GRAMD1B: variants seen among roughly 807,000 people sequenced by gnomAD.
GRAMD1B encodes protein Aster-B.
Under a neutral mutation model 99.7 loss-of-function variants are expected in GRAMD1B, and 37 were observed. That is an observed-to-expected ratio of 0.37 (90% CI 0.29 to 0.49). The LOEUF is 0.49. Among genes scored for constraint, GRAMD1B ranks in the 20% least tolerant of loss-of-function variants. The pLI is 0.98. For missense variants in GRAMD1B, 888 were observed against 1,009.2 expected (o/e 0.88, Z 1.63); for synonymous variants, 427 against 387.6 (o/e 1.10, Z -1.19).
intron 2 of GRAMD1B, among the ~76,000 whole-genome samples, chr11:123,520,645 G>A (rs1420271830): frequency 2.0e-5 from 3 of 151,672 alleles, no homozygotes; most frequent in Non-Finnish European, 4.4e-5. Context: ...TGGGCATGGT[G>A]GTGCGTGTCT....
chr11:123,501,346 T>G (rs1323573989), intron 2 of GRAMD1B, among the ~76,000 whole-genome samples: 1 of 151,920 alleles, frequency 6.6e-6, no homozygotes, highest in Non-Finnish European at 1.5e-5. Context: ...AATTTTTTAA[T>G]TTTTACTAGA....
At chr11:123,383,598 A>T (rs1946959172) in intron 1 of GRAMD1B, among the ~76,000 whole-genome samples, 1 of 152,032 alleles carries the variant, frequency 6.6e-6, no homozygotes, top group Non-Finnish European at 1.5e-5. Context: ...TGTCGGTCAC[A>T]CCTACTCATT....
chr11:123,418,950 G>A (rs1427418493), intron 1 of GRAMD1B, among the ~76,000 whole-genome samples: 1 of 152,244 alleles, frequency 6.6e-6, no homozygotes, highest in Non-Finnish European at 1.5e-5. Flanking sequence ...TAAATCCTGT[G>A]TGGATGGCAG....
Position 123,430,505 on chromosome 11 carries a change from G to A in GRAMD1B, c.-288G>A. The A allele has an allele frequency of 2.4e-6, 1 of 421,874 alleles. No individual in the cohort carries two copies. Among genetic ancestry groups the A allele is most frequent in the Non-Finnish European group, 4.2e-6 (1 of 238,376 alleles). 26.1% of individuals were successfully genotyped at this position (421,874 alleles called of 1,614,324 possible). ...AAGCGGGCGCGCGAGGGGAGCCCCA[G>A]GAGGGCTGCCGAGTGGCTGGCAGGC... is the stretch of plus-strand genomic sequence containing the variant. On this transcript the variant is annotated 5_prime_UTR_variant, in exon 1 of 20. Coordinates refer to ENST00000635736, the MANE Select transcript of GRAMD1B (RefSeq NM_001387025.1).
chr11:123,534,825 T>C (rs1943786912), intron 2 of GRAMD1B, among the ~76,000 whole-genome samples: 3 of 151,756 alleles, frequency 2.0e-5, no homozygotes, highest in South Asian at 2.1e-4. Flanking sequence ...AATTGTGCCA[T>C]TGCACTCCAG....
intron 4 of GRAMD1B, among the ~76,000 whole-genome samples, chr11:123,593,230 T>TAAAC (rs372424623): frequency 0.076 from 11,565 of 151,568 alleles, 484 homozygotes; most frequent in Non-Finnish European, 0.1. Context: ...AGACTCTGTC[T>TAAAC]AAACAAACAA....
At chr11:123,428,008 C>G (rs971787619), upstream of GRAMD1B, among the ~76,000 whole-genome samples, 3 of 152,162 alleles carry the variant, frequency 2.0e-5, no homozygotes, top group Non-Finnish European at 4.4e-5. Context: ...AAAGCTTCCT[C>G]CCTTGTTTCT....
intron 2 of GRAMD1B, among the ~76,000 whole-genome samples, chr11:123,532,190 TC>T (rs1182072259): frequency 6.6e-6 from 1 of 152,166 alleles, no homozygotes; most frequent in African/African-American, 2.4e-5. Flanking sequence ...CCAAGTCCCC[TC>T]AGGCTCTGGA....
chr11:123,364,998 T>G (rs7934888), intron 1 of GRAMD1B, among the ~76,000 whole-genome samples: 54,591 of 152,126 alleles, frequency 0.36, 14,849 homozygotes, highest in African/African-American at 0.77. Flanking sequence ...TATTCTTATT[T>G]TATTGCTACT....
chr11:123,555,933 C>T (rs1366693892), intron 2 of GRAMD1B, among the ~76,000 whole-genome samples: 4 of 151,882 alleles, frequency 2.6e-5, no homozygotes, highest in Non-Finnish European at 5.9e-5. Flanking sequence ...AGGGTTTCAC[C>T]ATGTTGCCGA....
intron 1 of GRAMD1B, among the ~76,000 whole-genome samples, chr11:123,452,262 A>G (rs1949920915): frequency 6.6e-6 from 1 of 152,226 alleles, no homozygotes; most frequent in South Asian, 2.1e-4. Context: ...AAAATGTGAC[A>G]AGTGCATCTA....
At chr11:123,466,388 GAAAGAA>G (rs1351623323) in intron 1 of GRAMD1B, among the ~76,000 whole-genome samples, 20 of 132,550 alleles carry the variant, frequency 1.5e-4, no homozygotes, top group African/African-American at 5.7e-4. Flanking sequence ...GAGAGAGAAA[GAAAGAA>G]AAAGAAAGAA....
intron 19 of GRAMD1B, among the ~76,000 whole-genome samples, chr11:123,622,214 G>T (rs1955219198): frequency 6.6e-6 from 1 of 152,010 alleles, no homozygotes; most frequent in African/African-American, 2.4e-5. Context: ...ATAGAGATGG[G>T]GTCTCTCTGT....
intron 2 of GRAMD1B, among the ~76,000 whole-genome samples, chr11:123,543,482 A>G (rs1428585444): frequency 6.6e-6 from 1 of 152,224 alleles, no homozygotes; most frequent in Non-Finnish European, 1.5e-5. Flanking sequence ...TAAGTTGGCC[A>G]AAGGAGGAAA....
At chr11:123,541,869 A>C (rs937155631) in intron 2 of GRAMD1B, among the ~76,000 whole-genome samples, 8 of 152,202 alleles carry the variant, frequency 5.3e-5, no homozygotes, top group African/African-American at 1.9e-4. Context: ...TTAATACATT[A>C]GTACACCTTG....
intron 1 of GRAMD1B, 69 bp from the exon 2 acceptor site, chr11:123,480,747 C>CGA (rs1951551506): frequency 1.8e-5 from 7 of 398,560 alleles, no homozygotes; most frequent in Non-Finnish European, 3.1e-5. Flanking sequence ...TAGTTGAAGT[C>CGA]TAAGTGACCT....
chr11:123,466,461 AAAG>A (rs1432323370), intron 1 of GRAMD1B, among the ~76,000 whole-genome samples: 4 of 146,682 alleles, frequency 2.7e-5, no homozygotes, highest in African/African-American at 1.1e-4. Flanking sequence ...AGAAAGAAAG[AAAG>A]AAAGAAAAGA....
intron 6 of GRAMD1B, 72 bp downstream of exon 6, chr11:123,594,910 C>A: frequency 1.3e-6 from 1 of 794,882 alleles, no homozygotes; most frequent in Non-Finnish European, 2.3e-6. Flanking sequence ...CGCTTTCTTC[C>A]TTTTGCTGAC....
chr11:123,369,467 GA>G (rs931298570), intron 1 of GRAMD1B, among the ~76,000 whole-genome samples: 2 of 152,162 alleles, frequency 1.3e-5, no homozygotes, highest in Non-Finnish European at 2.9e-5. Context: ...AAAGGAAATG[GA>G]GGGATTAAAT....
Sources: gnomAD v4.1 joint callset for allele counts (sites outside exome capture counted in the v4.1 genomes callset) on GRCh38, gnomAD v4.1.1 for gene constraint, MANE v1.5 for transcripts, NCBI Gene and HGNC (gene_info 2026-07-23, HGNC 2026-07-21) for gene names.